Variants in PIP4K2A observed in about 807,000 individuals in gnomAD.
PIP4K2A encodes phosphatidylinositol-5-phosphate 4-kinase type 2 alpha.
In PIP4K2A, 14 loss-of-function variants were observed where a neutral mutation model predicts 42.9. The observed-to-expected ratio is 0.33, with a 90% CI of 0.22 to 0.51. The LOEUF (loss-of-function observed/expected upper bound fraction) is 0.51. Ranked by LOEUF, PIP4K2A falls within the 20% of genes least tolerant of loss-of-function variation. The pLI is 0.97. For synonymous variants in PIP4K2A, 192 were observed against 192.2 expected (o/e 1.00, Z 0.01); for missense variants, 434 against 519.8 (o/e 0.83, Z 1.61).
chr10:22,682,769 G>A (rs1839687637), intron 1 of PIP4K2A, among the ~76,000 whole-genome samples: 1 of 152,192 alleles, frequency 6.6e-6, no homozygotes, highest in Non-Finnish European at 1.5e-5. Flanking sequence ...TCTACTCAGG[G>A]AGGGAGAACT....
intron 3 of PIP4K2A, among the ~76,000 whole-genome samples, chr10:22,596,247 T>C: frequency 7.0e-6 from 1 of 142,410 alleles, no homozygotes; most frequent in Non-Finnish European, 1.5e-5. Context: ...AAGACTCGAC[T>C]CGTTGCTCTA....
At chr10:22,704,682 A>C (rs1280830105) in intron 1 of PIP4K2A, among the ~76,000 whole-genome samples, 2 of 151,640 alleles carry the variant, frequency 1.3e-5, no homozygotes. Flanking sequence ...GGAACAGAAA[A>C]CACGAGAAGA....
intron 1 of PIP4K2A, among the ~76,000 whole-genome samples, chr10:22,664,624 A>C (rs1460624112): frequency 6.6e-6 from 1 of 151,926 alleles, no homozygotes; most frequent in African/African-American, 2.4e-5. Context: ...TTTGGTATAT[A>C]CATGCTTTTA....
chr10:22,576,571 A>G (rs952256671), intron 4 of PIP4K2A, among the ~76,000 whole-genome samples: 49 of 152,166 alleles, frequency 3.2e-4, no homozygotes, highest in Admixed American at 2.0e-4. Flanking sequence ...CTCCGTGTTC[A>G]TTACCTGTGT....
chr10:22,664,282 C>T (rs1403543268), intron 1 of PIP4K2A, among the ~76,000 whole-genome samples: 2 of 143,326 alleles, frequency 1.4e-5, no homozygotes, highest in Non-Finnish European at 3.0e-5. Flanking sequence ...CACACATACA[C>T]GAACTATTGT....
At chr10:22,622,615 A>G (rs572589615) in intron 1 of PIP4K2A, among the ~76,000 whole-genome samples, 36 of 152,362 alleles carry the variant, frequency 2.4e-4, no homozygotes, top group African/African-American at 8.7e-4. Context: ...GGGCGGCAGC[A>G]CAAAGGCTGG....
chr10:22,670,956 G>C (rs1839437262), intron 1 of PIP4K2A, among the ~76,000 whole-genome samples: 1 of 152,182 alleles, frequency 6.6e-6, no homozygotes. Context: ...AGAGAAGAAA[G>C]AGCAGAGAAG....
chr10:22,648,238 T>C (rs1408669379), intron 1 of PIP4K2A, among the ~76,000 whole-genome samples: 1 of 152,146 alleles, frequency 6.6e-6, no homozygotes, highest in Non-Finnish European at 1.5e-5. Context: ...AAGTACCAAA[T>C]AATGAGTGAG....
intron 1 of PIP4K2A, among the ~76,000 whole-genome samples, chr10:22,663,255 T>C (rs1280029148): frequency 6.6e-6 from 1 of 152,240 alleles, no homozygotes; most frequent in African/African-American, 2.4e-5. Flanking sequence ...GGAAGAGGTA[T>C]CTGATATATA....
chr10:22,589,776 T>C (rs1837472113), intron 4 of PIP4K2A, among the ~76,000 whole-genome samples: 1 of 152,258 alleles, frequency 6.6e-6, no homozygotes, highest in Non-Finnish European at 1.5e-5. Context: ...TGATTGTTTA[T>C]ACTCGAGAAT....
chr10:22,615,465 C>G (rs577216945), intron 1 of PIP4K2A, among the ~76,000 whole-genome samples: 1 of 152,254 alleles, frequency 6.6e-6, no homozygotes, highest in South Asian at 2.1e-4. Flanking sequence ...ACATATAGTT[C>G]TATCTATATG....
intron 4 of PIP4K2A, among the ~76,000 whole-genome samples, chr10:22,585,727 A>T (rs945922425): frequency 1.3e-5 from 2 of 151,670 alleles, no homozygotes; most frequent in Non-Finnish European, 2.9e-5. Flanking sequence ...TAGCCTCCTG[A>T]GCAGCTGGGA....
chr10:22,689,570 T>C (rs1839821663), intron 1 of PIP4K2A, among the ~76,000 whole-genome samples: 1 of 152,170 alleles, frequency 6.6e-6, no homozygotes, highest in East Asian at 1.9e-4. Flanking sequence ...ATGTGCACAG[T>C]ATAAATGCAA....
intron 1 of PIP4K2A, among the ~76,000 whole-genome samples, chr10:22,701,966 A>T (rs1194073557): frequency 6.6e-6 from 1 of 152,206 alleles, no homozygotes; most frequent in African/African-American, 2.4e-5. Context: ...GGTCTACCAA[A>T]AATAAAACCA....
intron 7 of PIP4K2A, among the ~76,000 whole-genome samples, chr10:22,550,415 C>T (rs1490695935): frequency 6.6e-6 from 1 of 152,198 alleles, no homozygotes; most frequent in Non-Finnish European, 1.5e-5. Context: ...CGGGGATTCC[C>T]AGCGGATGAC....
In PIP4K2A at chr10:22,540,019, A is replaced by G. The variant is rs751106829; in HGVS notation, c.1092T>C (p.Tyr364=). 2 of 1,613,188 alleles carry G rather than the reference A, an allele frequency of 1.2e-6. No individual in the cohort carries two copies. Reference sequence around the variant, plus strand: ...CATGGGCAGCTTTCTTTTTTGCATCATAATGAGTAAGGATGTCAATAATTG... The same window carrying G: ...CATGGGCAGCTTTCTTTTTTGCATCGTAATGAGTAAGGATGTCAATAATTG... ...FMAIIDILTH[Y]DAKKKAAHAA... The change falls in exon 9 of 10, where the codon TAT becomes TAC. Residue 364 remains tyrosine (Y), a synonymous_variant. Coordinates refer to ENST00000376573, the MANE Select transcript of PIP4K2A (RefSeq NM_005028.5).
At chr10:22,701,468 A>G (rs1048825320) in intron 1 of PIP4K2A, among the ~76,000 whole-genome samples, 1 of 152,152 alleles carries the variant, frequency 6.6e-6, no homozygotes. Flanking sequence ...CCCCTGCCCA[A>G]GCTCAGGTTC....
chr10:22,663,979 C>T (rs1372241634), intron 1 of PIP4K2A, among the ~76,000 whole-genome samples: 4 of 144,166 alleles, frequency 2.8e-5, no homozygotes, highest in Non-Finnish European at 4.5e-5. Context: ...GGAAGAATTA[C>T]TAGGGTCAGG....
At chr10:22,598,131 G>A (rs899448762) in intron 3 of PIP4K2A, among the ~76,000 whole-genome samples, 1 of 152,242 alleles carries the variant, frequency 6.6e-6, no homozygotes, top group African/African-American at 2.4e-5. Context: ...GCTGAGGTGG[G>A]AAGATCACTT....
Sources: gnomAD v4.1 joint callset for allele counts (sites outside exome capture counted in the v4.1 genomes callset) on GRCh38, gnomAD v4.1.1 for gene constraint, MANE v1.5 for transcripts, NCBI Gene and HGNC (gene_info 2026-07-23, HGNC 2026-07-21) for gene names.